The following N4BP2 variants were observed in gnomAD, a reference collection of about 807,000 sequenced individuals.
N4BP2 encodes NEDD4 binding protein 2.
A neutral mutation model predicts 152.8 loss-of-function variants in N4BP2; 91 were observed. The observed-to-expected ratio is 0.60, with a 90% CI of 0.50 to 0.71. The LOEUF is 0.71. Ranked by LOEUF, N4BP2 falls within the 30% of genes least tolerant of loss-of-function variation. The pLI, the probability that N4BP2 is intolerant of heterozygous loss-of-function variation, is 0.00. For missense variants in N4BP2, 1,923 were observed against 2,059.1 expected (o/e 0.93, Z 1.28); for synonymous variants, 646 against 705.3 (o/e 0.92, Z 1.33).
chr4:40,104,912 C>A (rs1024134208), intron 4 of N4BP2, among the ~76,000 whole-genome samples: 4 of 151,632 alleles, frequency 2.6e-5, no homozygotes, highest in African/African-American at 4.8e-5. Flanking sequence ...TCACGCCATT[C>A]TCCTGCCTCG....
At chr4:40,068,277 T>C (rs146260613) in intron 1 of N4BP2, among the ~76,000 whole-genome samples, 123 of 152,332 alleles carry the variant, frequency 8.1e-4, no homozygotes, top group African/African-American at 2.9e-3. Flanking sequence ...GTTGCCTTAT[T>C]ATTCTGTTGA....
intron 14 of N4BP2, among the ~76,000 whole-genome samples, chr4:40,139,801 CTT>C (rs34370849): frequency 1.4e-3 from 165 of 120,824 alleles, no homozygotes; most frequent in Middle Eastern, 5.9e-3. Flanking sequence ...TAGCATTAGG[CTT>C]TTTTTTTTTT....
At chr4:40,100,676 A>C (rs1715562549) in intron 3 of N4BP2, among the ~76,000 whole-genome samples, 1 of 152,082 alleles carries the variant, frequency 6.6e-6, no homozygotes, top group South Asian at 2.1e-4. Context: ...CTGGCCTTAA[A>C]ATTTCTAATG....
chr4:40,107,211 A>G (rs1381237264), intron 5 of N4BP2, among the ~76,000 whole-genome samples, 187 bp downstream of exon 5: 1 of 151,816 alleles, frequency 6.6e-6, no homozygotes, highest in Non-Finnish European at 1.5e-5. Context: ...TGATCCTCCC[A>G]CCTTAGCCTC....
At chr4:40,169,766 A>C in the N4BP2 span, among the ~76,000 whole-genome samples, 2 of 151,504 alleles carry the variant, frequency 1.3e-5, no homozygotes, top group African/African-American at 4.8e-5. Flanking sequence ...GGTGTTCGAG[A>C]CCAGCGTGAC....
chr4:40,058,977 C>T (rs1624604), intron 1 of N4BP2, among the ~76,000 whole-genome samples: 129,319 of 152,092 alleles, frequency 0.85, 55,061 homozygotes, highest in East Asian at 0.97. Flanking sequence ...AAAGCCACTA[C>T]GCCCGGCTAA....
downstream of N4BP2, among the ~76,000 whole-genome samples, chr4:40,159,421 C>T (rs1002378080): frequency 1.4e-4 from 22 of 152,268 alleles, no homozygotes; most frequent in African/African-American, 4.8e-4. Flanking sequence ...CTTTACTTGA[C>T]GCTTTTGGGA....
At chr4:40,088,688 CG>C (rs1406012692) in intron 2 of N4BP2, among the ~76,000 whole-genome samples, 4 of 151,896 alleles carry the variant, frequency 2.6e-5, no homozygotes, top group Non-Finnish European at 5.9e-5. Flanking sequence ...TTACTAGAAA[CG>C]GGGTTTCTCC....
At position 40,121,542 on chromosome 4, in the gene N4BP2, C is replaced by A. The variant is rs113582483; in HGVS notation, c.3431C>A (p.Ser1144Ter). 1.9e-6 allele frequency: 3 copies of A among 1,613,902 alleles called. No individual in the cohort carries two copies. The highest frequency in any genetic ancestry group is 2.7e-5 in the African/African-American group (2 of 74,882). The change falls in exon 9 of 18, where the codon TCG (serine) becomes TAG (stop). Residue 1144 changes from serine (S) to a stop codon, truncating the protein, a stop_gained. Transcript: ENST00000261435. LOFTEE classifies it high-confidence loss of function. Reference protein sequence around the residue: ...EDTEFENFQKSCDGSQIGPFS... With the variant: ...EDTEFENFQK The stretch of plus-strand genomic sequence containing the variant: ...ACAGAGTTTGAGAATTTCCAAAAAT[C>A]GTGTGATGGATCACAAATTGGGCCT...
chr4:40,095,692 G>T lies in N4BP2; in HGVS notation c.-114-1535G>T, dbSNP rs181518139. On this transcript the variant is annotated intron_variant, in intron 2 of 17. Coordinates refer to ENST00000261435, the MANE Select transcript of N4BP2 (RefSeq NM_018177.6). ...GGGAGATTGGGGCAGAGGGAGCAGG[G>T]TATATGATTTTCAGTTGGATAATCA... is the stretch of plus-strand genomic sequence containing the variant. 2.8e-3 allele frequency among the ~76,000 whole-genome samples: 430 copies of T among 152,228 alleles called. 2 individuals carry two copies. Among genetic ancestry groups the T allele is most frequent in the African/African-American group, 9.9e-3 (410 of 41,520 alleles).
chr4:40,101,452 G>A (rs568873651), intron 3 of N4BP2, among the ~76,000 whole-genome samples: 4 of 152,146 alleles, frequency 2.6e-5, no homozygotes, highest in East Asian at 3.9e-4. Context: ...GAGCAACCAC[G>A]CCAAAAAGTG....
chr4:40,139,650 C>A (rs936902359), intron 14 of N4BP2, among the ~76,000 whole-genome samples: 1 of 151,810 alleles, frequency 6.6e-6, no homozygotes, highest in Admixed American at 6.6e-5. Context: ...TGCCACCACT[C>A]CCAGCTAATT....
the N4BP2 span, among the ~76,000 whole-genome samples, chr4:40,163,792 C>G: frequency 2.4e-4 from 36 of 152,284 alleles, no homozygotes; most frequent in African/African-American, 8.7e-4. Context: ...AATAAGCTGC[C>G]TTTGTTTGGG....
At chr4:40,067,540 A>G (rs1285898726) in intron 1 of N4BP2, among the ~76,000 whole-genome samples, 1 of 151,892 alleles carries the variant, frequency 6.6e-6, no homozygotes, top group Non-Finnish European at 1.5e-5. Flanking sequence ...TATTTTGGAT[A>G]TGTACCCTGA....
At chr4:40,166,925 C>T in the N4BP2 span, 28 of 152,312 alleles carry the variant, frequency 1.8e-4, no homozygotes, top group East Asian at 3.1e-3. Context: ...TGATTGTTGA[C>T]TGTAGTCACC....
intron 11 of N4BP2, among the ~76,000 whole-genome samples, chr4:40,124,790 T>G (rs1023331907): frequency 5.3e-5 from 8 of 152,216 alleles, no homozygotes; most frequent in Admixed American, 1.3e-4. Flanking sequence ...CTGTTGAGGT[T>G]TTGCTCTGCA....
chr4:40,058,934 C>T (rs899836010), intron 1 of N4BP2, among the ~76,000 whole-genome samples: 1 of 152,168 alleles, frequency 6.6e-6, no homozygotes. Context: ...CATCCTCCCA[C>T]CTCGTCCCCT....
chr4:40,144,585 A>G, intron 15 of N4BP2, 47 bp from the exon 16 acceptor site: 12 of 1,484,902 alleles, frequency 8.1e-6, no homozygotes, highest in Non-Finnish European at 1.1e-5. Context: ...TCATCACCCA[A>G]GTAGCAAACA....
At chr4:40,095,937 T>C (rs4974961) in intron 2 of N4BP2, among the ~76,000 whole-genome samples, 54,305 of 151,784 alleles carry the variant, frequency 0.36, 10,079 homozygotes, top group South Asian at 0.52. Flanking sequence ...ATATTGAAAA[T>C]AGACTATAGG....
Sources: gnomAD v4.1 joint callset for allele counts (sites outside exome capture counted in the v4.1 genomes callset) on GRCh38, gnomAD v4.1.1 for gene constraint, MANE v1.5 for transcripts, NCBI Gene and HGNC (gene_info 2026-07-23, HGNC 2026-07-21) for gene names.